The following ADGRB3 variants were observed in gnomAD, a reference collection of about 807,000 sequenced individuals.
ADGRB3 encodes the protein adhesion G protein-coupled receptor B3, also known as brain-specific angiogenesis inhibitor 3.
In ADGRB3, 37 loss-of-function variants were observed where a neutral mutation model predicts 193.4. The observed-to-expected ratio is 0.19, with a 90% CI of 0.15 to 0.25. ADGRB3 has a LOEUF of 0.25. Ranked by LOEUF, ADGRB3 falls within the 10% of genes least tolerant of loss-of-function variation. The pLI is 1.00. For synonymous variants in ADGRB3, 690 were observed against 644.2 expected (o/e 1.07, Z -1.08); for missense variants, 1,637 against 1,852.9 (o/e 0.88, Z 2.14).
intron 17 of ADGRB3, among the ~76,000 whole-genome samples, chr6:69,193,601 A>G (rs1033574746): frequency 6.6e-5 from 10 of 152,112 alleles, no homozygotes; most frequent in African/African-American, 2.4e-4. Flanking sequence ...TAAATAACAC[A>G]TTGAAGAGGT....
chr6:68,813,437 A>G (rs1767559504), intron 3 of ADGRB3, among the ~76,000 whole-genome samples: 1 of 152,184 alleles, frequency 6.6e-6, no homozygotes, highest in Middle Eastern at 3.2e-3. Flanking sequence ...TAATAGTAAC[A>G]GTAACAAACC....
At position 69,141,428 on chromosome 6, in the gene ADGRB3, A is replaced by C. The variant is rs1358844412; in HGVS notation, c.2480+65390A>C. On this transcript the variant is annotated intron_variant, in intron 17 of 31. Coordinates refer to ENST00000370598, the MANE Select transcript of ADGRB3 (RefSeq NM_001704.3). The stretch of plus-strand genomic sequence containing the variant: ...ATGAGCCACTGCGCCCGGCCGGGGC[A>C]GGGATATTTCATAAGGGTGGCCAAA... Among the ~76,000 whole-genome samples, 4 of 152,132 alleles carry C rather than the reference A, an allele frequency of 2.6e-5. 1 individual carries two copies.
intron 10 of ADGRB3, among the ~76,000 whole-genome samples, chr6:68,984,716 T>C (rs1282976482): frequency 6.6e-6 from 1 of 151,820 alleles, no homozygotes; most frequent in East Asian, 1.9e-4. Context: ...ACATGAAAAA[T>C]TAAAGAAAAC....
At chr6:69,057,127 T>C (rs992281260) in intron 15 of ADGRB3, among the ~76,000 whole-genome samples, 2 of 152,118 alleles carry the variant, frequency 1.3e-5, no homozygotes, top group Non-Finnish European at 2.9e-5. Flanking sequence ...TCCTTAAGTT[T>C]ACTCATATTT....
At chr6:69,147,592 G>T (rs1774540616) in intron 17 of ADGRB3, among the ~76,000 whole-genome samples, 1 of 152,136 alleles carries the variant, frequency 6.6e-6, no homozygotes, top group African/African-American at 2.4e-5. Context: ...TGAACTACAT[G>T]CAGAGAAGAA....
chr6:68,863,517 C>T (rs1765211419), intron 3 of ADGRB3, among the ~76,000 whole-genome samples: 1 of 151,834 alleles, frequency 6.6e-6, no homozygotes. Flanking sequence ...ATGAATCATA[C>T]TTCTTGATAT....
At chr6:69,327,437 C>T (rs972159314) in intron 21 of ADGRB3, among the ~76,000 whole-genome samples, 3 of 152,022 alleles carry the variant, frequency 2.0e-5, no homozygotes, top group South Asian at 2.1e-4. Context: ...TCCACTTCTC[C>T]GATATTACAT....
chr6:68,692,188 T>A (rs1162133459), intron 3 of ADGRB3, among the ~76,000 whole-genome samples: 1 of 151,886 alleles, frequency 6.6e-6, no homozygotes, highest in Non-Finnish European at 1.5e-5. Flanking sequence ...AGGATAAACA[T>A]TTTCTAACAT....
At chr6:69,347,641 C>T (rs1027958247) in intron 26 of ADGRB3, among the ~76,000 whole-genome samples, 1 of 151,916 alleles carries the variant, frequency 6.6e-6, no homozygotes, top group Non-Finnish European at 1.5e-5. Context: ...AACATTTAGC[C>T]AGGTGTGGTG....
intron 3 of ADGRB3, among the ~76,000 whole-genome samples, chr6:68,893,020 C>T (rs1182509135): frequency 6.6e-6 from 1 of 152,056 alleles, no homozygotes; most frequent in Non-Finnish European, 1.5e-5. Flanking sequence ...TAGTTTTATT[C>T]TTTGGACCTC....
At chr6:69,026,077 G>A (rs1428884000) in intron 13 of ADGRB3, among the ~76,000 whole-genome samples, 1 of 152,180 alleles carries the variant, frequency 6.6e-6, no homozygotes, top group African/African-American at 2.4e-5. Context: ...GTAAATATCT[G>A]CCATGTTTTG....
chr6:69,046,897 G>A (rs1771252249), intron 13 of ADGRB3, among the ~76,000 whole-genome samples: 1 of 152,060 alleles, frequency 6.6e-6, no homozygotes, highest in Non-Finnish European at 1.5e-5. Flanking sequence ...TTGCTCTGTT[G>A]CCCAGGCTGG....
chr6:69,298,902 G>A (rs1208129398), intron 20 of ADGRB3, among the ~76,000 whole-genome samples: 2 of 151,936 alleles, frequency 1.3e-5, no homozygotes, highest in African/African-American at 4.8e-5. Context: ...ACACCCAGCA[G>A]TTGGATTGCT....
At chr6:68,646,836 A>G (rs1349476757) in intron 3 of ADGRB3, among the ~76,000 whole-genome samples, 2 of 152,202 alleles carry the variant, frequency 1.3e-5, no homozygotes, top group Non-Finnish European at 2.9e-5. Flanking sequence ...AGGGTTGGTA[A>G]CATTGGTTTA....
intron 19 of ADGRB3, among the ~76,000 whole-genome samples, chr6:69,237,848 A>C (rs1458870598): frequency 3.3e-5 from 5 of 152,076 alleles, no homozygotes; most frequent in Non-Finnish European, 7.4e-5. Context: ...TCAGCATCTC[A>C]GTGTGTGGTT....
chr6:68,962,638 T>A (rs1434540479), intron 8 of ADGRB3, among the ~76,000 whole-genome samples: 1 of 152,216 alleles, frequency 6.6e-6, no homozygotes, highest in East Asian at 1.9e-4. Flanking sequence ...ACTATTTTTT[T>A]ATTTATTCTT....
chr6:69,328,979 C>A (rs1344400780), intron 22 of ADGRB3, among the ~76,000 whole-genome samples: 2 of 151,986 alleles, frequency 1.3e-5, no homozygotes, highest in Non-Finnish European at 2.9e-5. Context: ...CAATACAATA[C>A]AATAAGTAAT....
intron 3 of ADGRB3, among the ~76,000 whole-genome samples, chr6:68,784,305 C>T (rs1280872423): frequency 1.3e-5 from 2 of 152,078 alleles, no homozygotes; most frequent in African/African-American, 4.8e-5. Context: ...GTTACTTTTA[C>T]ACTTGATTTA....
At chr6:68,981,027 C>T (rs1186289750) in intron 10 of ADGRB3, among the ~76,000 whole-genome samples, 1 of 151,564 alleles carries the variant, frequency 6.6e-6, no homozygotes, top group Non-Finnish European at 1.5e-5. Flanking sequence ...CATCCATATA[C>T]ATGTATTTCT....
Sources: gnomAD v4.1 joint callset for allele counts (sites outside exome capture counted in the v4.1 genomes callset) on GRCh38, gnomAD v4.1.1 for gene constraint, MANE v1.5 for transcripts, NCBI Gene and HGNC (gene_info 2026-07-23, HGNC 2026-07-21) for gene names.